GRM7: variants seen among roughly 807,000 people sequenced by gnomAD.
GRM7 encodes metabotropic glutamate receptor 7.
GRM7 carries 35 observed loss-of-function variants against 84.5 expected under a neutral mutation model. The observed-to-expected ratio is 0.41, with a 90% confidence interval of 0.32 to 0.55. The LOEUF (loss-of-function observed/expected upper bound fraction) is 0.55. GRM7 is among the 20% of genes least tolerant of loss of function. The pLI, the probability that GRM7 is intolerant of heterozygous loss-of-function variation, is 0.19. For missense variants in GRM7, 1,003 were observed against 1,194.6 expected (o/e 0.84, Z 2.36); for synonymous variants, 487 against 455.1 (o/e 1.07, Z -0.89).
rs985747731 is a variant in GRM7 at position 7,578,987 on chromosome 3, C to T, written c.2081C>T (p.Pro694Leu). 6.2e-7 allele frequency: 1 copy of T among 1,614,026 alleles called. No homozygotes were observed. Among genetic ancestry groups the T allele is most frequent in the African/African-American group, 1.3e-5 (1 of 75,006 alleles). The stretch of plus-strand genomic sequence containing the variant: ...CAGGGCAAGAAATCAGTAACAGCTC[C>T]CAGACTCATAAGCCCAACATCACAA... Reference protein sequence around the residue: ...FEQGKKSVTAPRLISPTSQLA... With the variant: ...FEQGKKSVTALRLISPTSQLA... Residue 694 changes from proline to leucine, a missense_variant, in exon 8 of 10, where the codon CCC (proline) becomes CTC (leucine). Pro to Leu is a moderately conservative substitution (Grantham distance 98). This residue lies in a region of GRM7 where 910 missense variants were observed against 1,126.0 expected (regional missense o/e 0.81). Transcript: ENST00000357716.
intron 2 of GRM7, among the ~76,000 whole-genome samples, chr3:7,171,948 T>C (rs1694996925): frequency 6.6e-6 from 1 of 152,160 alleles, no homozygotes; most frequent in Admixed American, 6.5e-5. Flanking sequence ...GCATGCAGTT[T>C]CCCAGTGCAT....
intron 1 of GRM7, among the ~76,000 whole-genome samples, chr3:6,904,383 AG>A (rs1455234916): frequency 1.3e-5 from 2 of 152,158 alleles, no homozygotes; most frequent in Non-Finnish European, 2.9e-5. Context: ...CATACTTCTT[AG>A]GTTAGTCATT....
At chr3:7,059,041 T>C (rs1196395769) in intron 1 of GRM7, among the ~76,000 whole-genome samples, 1 of 151,860 alleles carries the variant, frequency 6.6e-6, no homozygotes. Flanking sequence ...TTATTAACGC[T>C]AGCAGATATT....
chr3:6,886,707 A>G (rs1695709075), intron 1 of GRM7, among the ~76,000 whole-genome samples: 1 of 151,834 alleles, frequency 6.6e-6, no homozygotes, highest in Non-Finnish European at 1.5e-5. Flanking sequence ...GGTAAATGTG[A>G]TGTTTAGCAC....
At chr3:7,642,039 A>G (rs1698386227) in intron 8 of GRM7, among the ~76,000 whole-genome samples, 1 of 152,166 alleles carries the variant, frequency 6.6e-6, no homozygotes, top group African/African-American at 2.4e-5. Context: ...TTCTGCATCT[A>G]ATAGTCCTTC....
intron 2 of GRM7, among the ~76,000 whole-genome samples, chr3:7,259,710 C>T (rs763715138): frequency 6.6e-6 from 1 of 152,120 alleles, no homozygotes; most frequent in East Asian, 1.9e-4. Flanking sequence ...TAAGTTGATT[C>T]CATGTCTTTG....
At position 7,609,864 on chromosome 3, in the gene GRM7, CAAGTGACACCAGACAGAATT is replaced by C. The variant is rs986780099; in HGVS notation, c.2451+30532_2451+30551del. On this transcript the variant is annotated intron_variant, in intron 8 of 9. Coordinates refer to ENST00000357716, the MANE Select transcript of GRM7 (RefSeq NM_000844.4). ...CTCCTTTAAAGAAGGAAAAATAAAACAAGTGACACCAGACAGAATTAAGTGACACCAGACAGAATTAAGTT... is the reference window on the plus strand; with the variant it reads ...CTCCTTTAAAGAAGGAAAAATAAAACAAGTGACACCAGACAGAATTAAGTT... Among the ~76,000 whole-genome samples, 51 of 152,200 alleles carry C rather than the reference CAAGTGACACCAGACAGAATT, an allele frequency of 3.4e-4. No homozygotes were observed. In the East Asian group the frequency reaches 5.2e-3, roughly 16 times the overall value.
chr3:7,523,769 T>C (rs1700687173), intron 7 of GRM7, among the ~76,000 whole-genome samples: 1 of 152,026 alleles, frequency 6.6e-6, no homozygotes, highest in South Asian at 2.1e-4. Flanking sequence ...TGCATTAGCA[T>C]ATAGGTGGAT....
intron 1 of GRM7, among the ~76,000 whole-genome samples, chr3:7,041,233 G>A (rs1696601357): frequency 1.3e-5 from 2 of 152,104 alleles, no homozygotes; most frequent in South Asian, 4.1e-4. Flanking sequence ...CCACAATCAA[G>A]ATAACAAGCA....
chr3:7,146,342 T>C, intron 1 of GRM7, 110 bp from the exon 2 acceptor site: 2 of 822,310 alleles, frequency 2.4e-6, no homozygotes, highest in South Asian at 3.0e-5. Context: ...GCAAAACATG[T>C]ATCTCCTTTG....
chr3:7,189,250 T>C (rs1318338323), intron 2 of GRM7, among the ~76,000 whole-genome samples: 1 of 152,166 alleles, frequency 6.6e-6, no homozygotes, highest in Non-Finnish European at 1.5e-5. Flanking sequence ...TATACACATA[T>C]ATCACGCACA....
intron 2 of GRM7, among the ~76,000 whole-genome samples, chr3:7,282,540 G>A (rs1699290586): frequency 6.6e-6 from 1 of 152,142 alleles, no homozygotes; most frequent in Admixed American, 6.5e-5. Context: ...AAAGTAGGGT[G>A]ATTAGCAACC....
intron 4 of GRM7, among the ~76,000 whole-genome samples, chr3:7,342,087 T>C (rs1417543090): frequency 2.6e-5 from 4 of 152,152 alleles, no homozygotes; most frequent in Non-Finnish European, 2.9e-5. Context: ...CACCATTCTC[T>C]AGAATTCATA....
At chr3:7,058,944 A>G (rs937452893) in intron 1 of GRM7, among the ~76,000 whole-genome samples, 1 of 151,924 alleles carries the variant, frequency 6.6e-6, no homozygotes, top group Non-Finnish European at 1.5e-5. Flanking sequence ...GCTATGACCT[A>G]ATGCTTGCTT....
Position 6,862,048 on chromosome 3 carries a change from A to C in GRM7, c.519+141A>C. ...CTGGAGATCCTGCCGAATCCCTCCCACCCCGCTCGAGGAGATACCTTCCCT... is the reference window on the plus strand; with the variant it reads ...CTGGAGATCCTGCCGAATCCCTCCCCCCCCGCTCGAGGAGATACCTTCCCT... On this transcript the variant is annotated intron_variant, in intron 1 of 9. Transcript: ENST00000357716. The surrounding 1 kb of genome is among the most constrained non-coding windows in gnomAD (Gnocchi z 5.2). The C allele has an allele frequency of 3.0e-6, 2 of 668,064 alleles. No individual in the cohort carries two copies. Among genetic ancestry groups the C allele is most frequent in the Non-Finnish European group, 5.0e-6 (2 of 398,188 alleles). 41.4% of individuals were successfully genotyped at this position (668,064 alleles called of 1,614,324 possible). A position where few individuals can be genotyped will look rare whatever the true frequency, so the allele number is the denominator to read the frequency against.
chr3:7,444,215 G>A (rs956722110), intron 5 of GRM7, among the ~76,000 whole-genome samples: 1 of 152,146 alleles, frequency 6.6e-6, no homozygotes, highest in Non-Finnish European at 1.5e-5. Flanking sequence ...TTTCAGAGTG[G>A]TACAACCTCC....
chr3:7,579,123 C>A lies in GRM7; in HGVS notation c.2217C>A (p.Asn739Lys), dbSNP rs757149217. The change falls in exon 8 of 10, where the codon AAC becomes AAA. Residue 739 changes from asparagine to lysine, a missense_variant. Physicochemically the swap from Asn to Lys is moderately conservative, Grantham distance 94. Coordinates refer to ENST00000357716, the MANE Select transcript of GRM7 (RefSeq NM_000844.4). ...IIDYDEHKTM[N>K]PEQARGVLKC... ...ACTATGATGAACACAAGACAATGAA[C>A]CCTGAGCAAGCCAGAGGGGTTCTCA... 41 of 1,613,826 alleles carry A rather than the reference C, an allele frequency of 2.5e-5. No individual in the cohort carries two copies. Among genetic ancestry groups the A allele is most frequent in the Non-Finnish European group, 2.8e-5 (33 of 1,179,796 alleles).
At chr3:7,484,777 G>A (rs186599103) in intron 7 of GRM7, among the ~76,000 whole-genome samples, 105 of 152,248 alleles carry the variant, frequency 6.9e-4, no homozygotes, top group African/African-American at 2.5e-3. Flanking sequence ...TACCTCCTGG[G>A]ATGCATGCCC....
intron 8 of GRM7, among the ~76,000 whole-genome samples, chr3:7,630,537 C>A (rs1254448648): frequency 6.6e-6 from 1 of 152,162 alleles, no homozygotes; most frequent in Non-Finnish European, 1.5e-5. Flanking sequence ...GCTACTACCC[C>A]AAAAGGTTTT....
Sources: allele counts gnomAD v4.1 joint callset (sites outside exome capture counted in the v4.1 genomes callset), GRCh38; gene constraint gnomAD v4.1.1; regional missense constraint gnomAD v4.1.1; non-coding constraint Gnocchi (gnomAD v3.1); transcripts MANE v1.5; gene names NCBI Gene and HGNC (gene_info 2026-07-23, HGNC 2026-07-21).